The following CNTNAP2 variants were observed in gnomAD, a reference collection of about 807,000 sequenced individuals.
CNTNAP2 encodes the protein contactin-associated protein-like 2.
Under a neutral mutation model 155.2 loss-of-function variants are expected in CNTNAP2, and 98 were observed. The ratio of observed to expected loss-of-function variants is 0.63; its 90% CI spans 0.54 to 0.75. CNTNAP2 has a LOEUF of 0.75. Among genes scored for constraint, CNTNAP2 ranks in the 30% least tolerant of loss-of-function variants. The pLI, the probability that CNTNAP2 is intolerant of heterozygous loss-of-function variation, is 0.00. For synonymous variants in CNTNAP2, 651 were observed against 631.2 expected (o/e 1.03, Z -0.47); for missense variants, 1,727 against 1,688.1 (o/e 1.02, Z -0.40).
intron 3 of CNTNAP2, among the ~76,000 whole-genome samples, chr7:146,953,108 A>C (rs139324029): frequency 6.6e-6 from 1 of 152,040 alleles, no homozygotes; most frequent in Non-Finnish European, 1.5e-5. Context: ...CAGCAAGACA[A>C]TATCTGGGTA....
chr7:147,320,210 C>G (rs1330334301), intron 9 of CNTNAP2, among the ~76,000 whole-genome samples: 1 of 152,118 alleles, frequency 6.6e-6, no homozygotes, highest in Non-Finnish European at 1.5e-5. Context: ...AGTCATGGAG[C>G]CCCTTTCTTT....
chr7:148,177,557 A>G (rs1794961397), intron 18 of CNTNAP2, among the ~76,000 whole-genome samples: 1 of 152,236 alleles, frequency 6.6e-6, no homozygotes, highest in Admixed American at 6.5e-5. Context: ...GCTCTTAACA[A>G]GGATAGCAGC....
chr7:146,643,657 T>G (rs1339821788), intron 1 of CNTNAP2, among the ~76,000 whole-genome samples: 3 of 152,166 alleles, frequency 2.0e-5, no homozygotes, highest in Non-Finnish European at 4.4e-5. Context: ...TTTTTTTGGT[T>G]CCATATGAAC....
intron 2 of CNTNAP2, among the ~76,000 whole-genome samples, chr7:146,824,594 A>T (rs1466543287): frequency 3.9e-5 from 6 of 152,102 alleles, no homozygotes; most frequent in African/African-American, 1.4e-4. Context: ...CTGGTGTGAG[A>T]TGAGATCTCA....
At chr7:147,392,037 T>G (rs1724380539) in intron 9 of CNTNAP2, among the ~76,000 whole-genome samples, 1 of 152,250 alleles carries the variant, frequency 6.6e-6, no homozygotes, top group Non-Finnish European at 1.5e-5. Flanking sequence ...CCTGGAAATG[T>G]CCTTAGCTAG....
chr7:146,903,225 T>C (rs1488479251), intron 3 of CNTNAP2, among the ~76,000 whole-genome samples: 1 of 152,162 alleles, frequency 6.6e-6, no homozygotes. Flanking sequence ...AGGGGTTGGA[T>C]AAAATCCTGT....
intron 9 of CNTNAP2, among the ~76,000 whole-genome samples, chr7:147,305,239 A>G (rs933643921): frequency 6.6e-6 from 1 of 152,214 alleles, no homozygotes; most frequent in Non-Finnish European, 1.5e-5. Flanking sequence ...TTGCTATTGA[A>G]AGTAAAGGCA....
chr7:147,315,560 C>T, intron 9 of CNTNAP2, among the ~76,000 whole-genome samples: 2 of 150,066 alleles, frequency 1.3e-5, no homozygotes, highest in Non-Finnish European at 3.0e-5. Context: ...CGGCTCACTG[C>T]AAGCTCCGCC....
At chr7:146,583,806 C>A (rs1798647963) in intron 1 of CNTNAP2, among the ~76,000 whole-genome samples, 1 of 151,890 alleles carries the variant, frequency 6.6e-6, no homozygotes, top group African/African-American at 2.4e-5. Flanking sequence ...ATGATATAAC[C>A]CTTTGAAATT....
intron 15 of CNTNAP2, among the ~76,000 whole-genome samples, chr7:148,030,694 G>T (rs1460237453): frequency 1.4e-5 from 2 of 143,676 alleles, no homozygotes; most frequent in Non-Finnish European, 1.5e-5. Context: ...TTTGGCAGGT[G>T]GTAAAGTTTA....
At chr7:146,801,926 T>A (rs1802886039) in intron 2 of CNTNAP2, among the ~76,000 whole-genome samples, 2 of 152,204 alleles carry the variant, frequency 1.3e-5, no homozygotes, top group South Asian at 4.1e-4. Context: ...GCAAGACAGA[T>A]ATGAATCTCA....
intron 1 of CNTNAP2, among the ~76,000 whole-genome samples, chr7:146,455,902 G>A (rs889283843): frequency 6.6e-6 from 1 of 152,018 alleles, no homozygotes; most frequent in African/African-American, 2.4e-5. Flanking sequence ...CCTTAAAAGT[G>A]ACTTAAAACA....
At chr7:147,133,714 T>A (rs1022024417) in intron 8 of CNTNAP2, among the ~76,000 whole-genome samples, 2 of 152,046 alleles carry the variant, frequency 1.3e-5, no homozygotes, top group African/African-American at 4.8e-5. Flanking sequence ...AAAATAGGCT[T>A]TATGTTTGTG....
chr7:147,192,630 A>G (rs537541347), intron 8 of CNTNAP2, among the ~76,000 whole-genome samples: 1 of 152,260 alleles, frequency 6.6e-6, no homozygotes, highest in East Asian at 1.9e-4. Context: ...GAGAAAAAAA[A>G]AATGGTACTG....
intron 1 of CNTNAP2, among the ~76,000 whole-genome samples, chr7:146,172,214 C>T (rs138024477): frequency 0.018 from 2,720 of 151,904 alleles, 25 homozygotes; most frequent in Middle Eastern, 0.041. Flanking sequence ...CCAAATAGCT[C>T]AAGGCTGGGA....
At chr7:146,343,786 ATAAAG>A (rs1005615886) in intron 1 of CNTNAP2, among the ~76,000 whole-genome samples, 4 of 152,128 alleles carry the variant, frequency 2.6e-5, no homozygotes, top group Non-Finnish European at 5.9e-5. Context: ...ATAGCATAAA[ATAAAG>A]TAAAGGCTAT....
In CNTNAP2 at chr7:147,995,144, T is replaced by C. The variant is rs185553441; in HGVS notation, c.2383+17155T>C. Among the ~76,000 whole-genome samples the C allele has an allele frequency of 6.6e-5, 10 of 152,288 alleles. No individual in the cohort carries two copies. In the South Asian group the frequency reaches 8.3e-4, roughly 13 times the overall value. On this transcript the variant is annotated intron_variant, in intron 15 of 23. Transcript: ENST00000361727. ...TAGAGACTCAGCACCCAAGGTTTTA[T>C]TGGGTACTGGTCACAAAGGCAGCCC...
At chr7:147,572,373 G>A (rs1800312842) in intron 12 of CNTNAP2, among the ~76,000 whole-genome samples, 1 of 152,048 alleles carries the variant, frequency 6.6e-6, no homozygotes, top group South Asian at 2.1e-4. Context: ...CCAGAAAGGG[G>A]GTACAAGACC....
chr7:147,029,566 C>A (rs1554427119), intron 3 of CNTNAP2, among the ~76,000 whole-genome samples: 1 of 150,194 alleles, frequency 6.7e-6, no homozygotes. Flanking sequence ...TTTTTTCTTC[C>A]CAGGAAAGAT....
Sources: allele counts gnomAD v4.1 joint callset (sites outside exome capture counted in the v4.1 genomes callset), GRCh38; gene constraint gnomAD v4.1.1; transcripts MANE v1.5; gene names NCBI Gene and HGNC (gene_info 2026-07-23, HGNC 2026-07-21).